The following GPN1 variants were observed in gnomAD, a reference collection of about 807,000 sequenced individuals.
The protein encoded by GPN1 is GPN-loop GTPase 1.
GPN1 carries 44 observed loss-of-function variants against 55.9 expected under a neutral mutation model. The observed-to-expected ratio is 0.79, with a 90% CI of 0.62 to 1.01. The LOEUF (loss-of-function observed/expected upper bound fraction) is 1.01. GPN1 is among the 50% of genes least tolerant of loss of function. GPN1 has a pLI of 0.00. For synonymous variants in GPN1, 179 were observed against 162.5 expected (o/e 1.10, Z -0.77); for missense variants, 466 against 462.8 (o/e 1.01, Z -0.06).
chr2:27,646,464 TATTC>T lies in GPN1; in HGVS notation c.932-1369_932-1366del, dbSNP rs572190426. 7.9e-5 allele frequency among the ~76,000 whole-genome samples: 12 copies of T among 152,370 alleles called. No homozygotes were observed. The South Asian group carries it at 2.3e-3, about 29-fold the overall frequency. ...TGTATGAAGGCTTTTGATTTCTGTA[TATTC>T]ATCTTTTATCCTGCTACTTTACTGA... On this transcript the variant is annotated intron_variant, in intron 12 of 13. Coordinates refer to ENST00000610189, the MANE Select transcript of GPN1 (RefSeq NM_007266.4).
At chr2:27,633,102 G>A (rs1044110041) in intron 5 of GPN1, among the ~76,000 whole-genome samples, 1 of 152,132 alleles carries the variant, frequency 6.6e-6, no homozygotes, top group Admixed American at 6.6e-5. Context: ...GTTAGCTGTT[G>A]TTCAAGGTTT....
rs1437577057 is a variant in GPN1 at position 27,643,017 on chromosome 2, TA to T, written c.931+504del. On this transcript the variant is annotated intron_variant, in intron 12 of 13. Coordinates refer to ENST00000610189, the MANE Select transcript of GPN1 (RefSeq NM_007266.4). The surrounding 1 kb of genome is among the most constrained non-coding windows in gnomAD (Gnocchi z 4.0). ...CACATACATATGCATACATATATAT[TA>T]AAAAATAAAGGATTTGGAAAGGCAA... is the stretch of plus-strand genomic sequence containing the variant. Among the ~76,000 whole-genome samples, 6 of 124,674 alleles carry T rather than the reference TA, an allele frequency of 4.8e-5. No homozygotes were observed. The highest frequency in any genetic ancestry group is 3.1e-4 in the East Asian group (1 of 3,186). 81.8% of individuals were successfully genotyped at this position (124,674 alleles called of 152,430 possible).
At chr2:27,637,232 A>G (rs1673766512) in intron 7 of GPN1, among the ~76,000 whole-genome samples, 1 of 152,208 alleles carries the variant, frequency 6.6e-6, no homozygotes, top group African/African-American at 2.4e-5. Context: ...TCATATAATA[A>G]AGCTAGAGAA....
At chr2:27,634,211 A>G (rs566196074) in intron 5 of GPN1, among the ~76,000 whole-genome samples, 1 of 152,280 alleles carries the variant, frequency 6.6e-6, no homozygotes, top group South Asian at 2.1e-4. Flanking sequence ...TATTTAGAGA[A>G]ATGTCTATTA....
At chr2:27,629,339 C>G in intron 1 of GPN1, 170 bp downstream of exon 1, 3 of 1,525,158 alleles carry the variant, frequency 2.0e-6, no homozygotes, top group Non-Finnish European at 2.7e-6. Flanking sequence ...CGGGCCCTAG[C>G]CAGGTTAATT....
chr2:27,640,025 T>C lies in GPN1; in HGVS notation c.718-18T>C. ...ATACAATGGTTTCTTTAGTGGCATT[T>C]ATGATGCTTTTTGGCAGGTGGTGGG... On this transcript the variant is annotated intron_variant, in intron 9 of 13. Coordinates refer to ENST00000610189, the MANE Select transcript of GPN1 (RefSeq NM_007266.4). 6.5e-7 allele frequency: 1 copy of C among 1,530,648 alleles called. No homozygotes were observed. The highest frequency in any genetic ancestry group is 9.1e-7 in the Non-Finnish European group (1 of 1,104,800). 94.8% of individuals were successfully genotyped at this position (1,530,648 alleles called of 1,614,324 possible). A position where few individuals can be genotyped will look rare whatever the true frequency, so the allele number is the denominator to read the frequency against.
intron 11 of GPN1, 136 bp downstream of exon 11, chr2:27,641,415 T>C (rs1673945205): frequency 1.7e-6 from 1 of 577,564 alleles, no homozygotes; most frequent in African/African-American, 1.9e-5. Flanking sequence ...TGTAGCTTTA[T>C]TGAGGTACAA....
chr2:27,629,289 C>T, intron 1 of GPN1, 120 bp downstream of exon 1: 1 of 1,411,556 alleles, frequency 7.1e-7, no homozygotes, highest in Non-Finnish European at 9.8e-7. Context: ...CTTTCGGGGG[C>T]TTCCCATCAA....
At chr2:27,633,687 G>C (rs1220226892) in intron 5 of GPN1, among the ~76,000 whole-genome samples, 2 of 151,786 alleles carry the variant, frequency 1.3e-5, no homozygotes, top group Non-Finnish European at 2.9e-5. Context: ...ATGTTGGCCA[G>C]ACTGGTCTCA....
Position 27,643,105 on chromosome 2 carries a change from T to G in GPN1, c.931+586T>G, listed in dbSNP as rs929231602. Among the ~76,000 whole-genome samples the G allele has an allele frequency of 4.0e-5, 6 of 151,614 alleles. No homozygotes were observed. Among genetic ancestry groups the G allele is most frequent in the African/African-American group, 1.2e-4 (5 of 41,366 alleles). On this transcript the variant is annotated intron_variant, in intron 12 of 13. Transcript: ENST00000610189. The surrounding 1 kb of genome is among the most constrained non-coding windows in gnomAD (Gnocchi z 4.0). The stretch of plus-strand genomic sequence containing the variant: ...CTCTTTCAGGAAGTTTTTGCTTTAC[T>G]TTGGCAATATACTTGATGTGTGCTG...
chr2:27,631,790 TA>T (rs774334590), intron 3 of GPN1, 43 bp from the exon 4 acceptor site: 1 of 1,120,676 alleles, frequency 8.9e-7, no homozygotes, highest in South Asian at 1.2e-5. Context: ...ATGAACTTTA[TA>T]ATCTAATCTA....
chr2:27,648,506 A>G (rs1340357793), intron 13 of GPN1, among the ~76,000 whole-genome samples: 1 of 152,220 alleles, frequency 6.6e-6, no homozygotes, highest in Non-Finnish European at 1.5e-5. Flanking sequence ...GTGACAGAGT[A>G]AGACCATCTC....
At chr2:27,648,719 G>A (rs1386624764) in intron 13 of GPN1, among the ~76,000 whole-genome samples, 4 of 152,040 alleles carry the variant, frequency 2.6e-5, no homozygotes, top group Non-Finnish European at 5.9e-5. Context: ...GACTGCAACC[G>A]CTGCCTCCCG....
intron 10 of GPN1, among the ~76,000 whole-genome samples, chr2:27,640,572 G>A (rs910586990): frequency 1.8e-4 from 28 of 152,344 alleles, no homozygotes; most frequent in Middle Eastern, 6.8e-3. Flanking sequence ...TTGAGAAAAC[G>A]TATACAGCAC....
intron 1 of GPN1, 52 bp from the exon 2 acceptor site, chr2:27,629,807 C>T (rs1673462424): frequency 2.1e-6 from 2 of 967,512 alleles, no homozygotes; most frequent in Non-Finnish European, 3.4e-6. Flanking sequence ...AATGGAAGTT[C>T]TCTCTTGTCC....
intron 13 of GPN1, among the ~76,000 whole-genome samples, chr2:27,648,966 C>T (rs935294353): frequency 2.6e-5 from 4 of 151,114 alleles, no homozygotes; most frequent in African/African-American, 7.3e-5. Flanking sequence ...AACCATAGGC[C>T]GGGCACGGTG....
Position 27,633,723 on chromosome 2 carries a change from C to T in GPN1, c.350+1053C>T, listed in dbSNP as rs368568195. Among the ~76,000 whole-genome samples the T allele has an allele frequency of 4.6e-5, 7 of 151,576 alleles. No individual in the cohort carries two copies. The East Asian group carries it at 7.8e-4, about 17-fold the overall frequency. On this transcript the variant is annotated intron_variant, in intron 5 of 13. Coordinates refer to ENST00000610189, the MANE Select transcript of GPN1 (RefSeq NM_007266.4). Reference sequence around the variant, plus strand: ...AACTCCTAACCTCAAGTGATCTGCCCGGCTTAACCTCCCAAAGTGCTGGAA... The same window carrying T: ...AACTCCTAACCTCAAGTGATCTGCCTGGCTTAACCTCCCAAAGTGCTGGAA...
At chr2:27,628,489 G>A (rs1673379681), upstream of GPN1, 4 of 1,551,388 alleles carry the variant, frequency 2.6e-6, no homozygotes, top group Non-Finnish European at 3.5e-6. Flanking sequence ...AGGAACCTGC[G>A]TCTGCAACTC....
rs1231936851 is a variant in GPN1, at chr2:27,632,024, C to T, written c.312+124C>T. On this transcript the variant is annotated intron_variant, in intron 4 of 13. Coordinates refer to ENST00000610189, the MANE Select transcript of GPN1 (RefSeq NM_007266.4). ...AGCATAAATATAGAAAATAAGTAGG[C>T]ATTTTGTCAGACAGAGAAGTAGACT... The T allele has an allele frequency of 4.3e-6, 3 of 693,620 alleles. No homozygotes were observed. In the East Asian group the frequency reaches 7.7e-5, roughly 18 times the overall value. 43.0% of individuals were successfully genotyped at this position (693,620 alleles called of 1,614,324 possible). A position where few individuals can be genotyped will look rare whatever the true frequency, so the allele number is the denominator to read the frequency against.
Sources: gnomAD v4.1 joint callset for allele counts (sites outside exome capture counted in the v4.1 genomes callset) on GRCh38, gnomAD v4.1.1 for gene constraint, Gnocchi (gnomAD v3.1) non-coding constraint, MANE v1.5 for transcripts, NCBI Gene and HGNC (gene_info 2026-07-23, HGNC 2026-07-21) for gene names.